The following TLK1 variants were observed in gnomAD, a reference collection of about 807,000 sequenced individuals.
TLK1 encodes the protein serine/threonine-protein kinase tousled-like 1.
TLK1 carries 24 observed loss-of-function variants against 105.3 expected under a neutral mutation model. The observed-to-expected ratio is 0.23, with a 90% CI of 0.17 to 0.32. The LOEUF is 0.32. TLK1 is among the 10% of genes least tolerant of loss of function. The pLI is 1.00. For missense variants in TLK1, 558 were observed against 910.5 expected, an observed-to-expected ratio of 0.61 and a Z score of 4.98; for synonymous variants, 321 against 310.4, an observed-to-expected ratio of 1.03 and a Z score of -0.36.
intron 1 of TLK1, among the ~76,000 whole-genome samples, chr2:171,141,794 C>T (rs1691585303): frequency 6.6e-6 from 1 of 151,518 alleles, no homozygotes; most frequent in South Asian, 2.1e-4. Context: ...AAAAGAATTC[C>T]TCAACAGATA....
At chr2:171,044,736 T>C (rs1021621883) in intron 11 of TLK1, among the ~76,000 whole-genome samples, 1 of 152,272 alleles carries the variant, frequency 6.6e-6, no homozygotes, top group East Asian at 1.9e-4. Flanking sequence ...ATGATGCCCA[T>C]AGAAAGAGAC....
At position 171,160,679 on chromosome 2, in the gene TLK1, G is replaced by T. The variant is rs1164103089; in HGVS notation, c.-251C>A. 4 of 560,366 alleles carry T rather than the reference G, an allele frequency of 7.1e-6. No individual in the cohort carries two copies. The highest frequency in any genetic ancestry group is 6.0e-5 in the African/African-American group (3 of 50,070). 34.7% of individuals were successfully genotyped at this position (560,366 alleles called of 1,614,324 possible). A position where few individuals can be genotyped will look rare whatever the true frequency, so the allele number is the denominator to read the frequency against. On this transcript the variant is annotated 5_prime_UTR_variant, in exon 1 of 21. Transcript: ENST00000431350. This position sits in a 1 kb window ranked among gnomAD's most constrained non-coding sequence, Gnocchi z 4.4. The stretch of plus-strand genomic sequence containing the variant: ...GAGGGAGCGAGCGGGCGCGCCAGAG[G>T]AGAGGAGGAGGAAAGGAGCGCGGCG...
chr2:171,227,379 C>T (rs554901585), intron 1 of TLK1, among the ~76,000 whole-genome samples: 14 of 152,220 alleles, frequency 9.2e-5, no homozygotes, highest in Non-Finnish European at 1.8e-4. Flanking sequence ...GAATGAGAGC[C>T]TGGAGTTCCT....
chr2:171,043,955 T>G (rs1156539039), intron 11 of TLK1, among the ~76,000 whole-genome samples: 3 of 152,194 alleles, frequency 2.0e-5, no homozygotes, highest in Non-Finnish European at 4.4e-5. Context: ...ACAAATTTAC[T>G]AACTTACAAA....
chr2:171,134,563 C>T (rs1691228208), intron 1 of TLK1, among the ~76,000 whole-genome samples: 1 of 151,452 alleles, frequency 6.6e-6, no homozygotes, highest in Non-Finnish European at 1.5e-5. Context: ...TCTATATATC[C>T]AAAGAAACTG....
intron 1 of TLK1, among the ~76,000 whole-genome samples, chr2:171,177,487 A>T (rs1049753727): frequency 6.6e-6 from 1 of 151,200 alleles, no homozygotes; most frequent in Non-Finnish European, 1.5e-5. Flanking sequence ...CTACCTCAAG[A>T]CAGAAAGCCC....
intron 1 of TLK1, among the ~76,000 whole-genome samples, chr2:171,188,920 G>A (rs1217636853): frequency 2.7e-5 from 4 of 150,434 alleles, no homozygotes; most frequent in East Asian, 1.9e-4. Context: ...TAGGAGAATC[G>A]TTTGATACAT....
intron 3 of TLK1, among the ~76,000 whole-genome samples, chr2:171,076,152 A>T (rs1463179935): frequency 6.6e-6 from 1 of 151,650 alleles, no homozygotes; most frequent in Non-Finnish European, 1.5e-5. Context: ...CAGGAGGGGG[A>T]AGTTGCAGTG....
chr2:171,177,441 C>T (rs768229371), intron 1 of TLK1, among the ~76,000 whole-genome samples: 5 of 152,112 alleles, frequency 3.3e-5, no homozygotes, highest in Non-Finnish European at 7.4e-5. Context: ...CCTCATTGGG[C>T]TTCTTAAAGC....
At chr2:171,178,150 G>A (rs1692866974) in intron 1 of TLK1, among the ~76,000 whole-genome samples, 1 of 152,130 alleles carries the variant, frequency 6.6e-6, no homozygotes, top group South Asian at 2.1e-4. Flanking sequence ...GTGTTTAAAT[G>A]CATTATCTAA....
At chr2:171,013,715 C>A (rs1184631451) in intron 13 of TLK1, among the ~76,000 whole-genome samples, 1 of 152,146 alleles carries the variant, frequency 6.6e-6, no homozygotes, top group African/African-American at 2.4e-5. Flanking sequence ...ATAGACATCA[C>A]AAGAAGACCT....
At chr2:171,182,537 T>A (rs1001263271) in intron 1 of TLK1, among the ~76,000 whole-genome samples, 2 of 152,056 alleles carry the variant, frequency 1.3e-5, no homozygotes, top group Non-Finnish European at 2.9e-5. Context: ...AACAAGGAAA[T>A]ACTGAAGAAC....
chr2:171,105,287 A>AC (rs1465144131), intron 2 of TLK1, among the ~76,000 whole-genome samples: 24 of 152,230 alleles, frequency 1.6e-4, no homozygotes, highest in Non-Finnish European at 2.8e-4. Flanking sequence ...AGGAACTCAA[A>AC]CAACTCAACA....
intron 1 of TLK1, among the ~76,000 whole-genome samples, chr2:171,184,659 AG>A (rs1482651306): frequency 0.021 from 3,049 of 144,142 alleles, 138 homozygotes; most frequent in African/African-American, 0.079. Flanking sequence ...AAAAAAAAAA[AG>A]AAAGAAAACT....
chr2:171,151,051 T>A (rs1227358012), intron 1 of TLK1, among the ~76,000 whole-genome samples: 1 of 151,888 alleles, frequency 6.6e-6, no homozygotes, highest in Non-Finnish European at 1.5e-5. Context: ...AGACAAGGCC[T>A]CACTCTGTTG....
At chr2:171,060,006 A>T in intron 4 of TLK1, 1 of 1,612,086 alleles carries the variant, frequency 6.2e-7, no homozygotes, top group Non-Finnish European at 8.5e-7. Flanking sequence ...ATGAGAGGAG[A>T]GGTCTGCTTT....
chr2:171,167,175 T>A (rs1218442097), intron 1 of TLK1, among the ~76,000 whole-genome samples: 1 of 152,190 alleles, frequency 6.6e-6, no homozygotes, highest in Non-Finnish European at 1.5e-5. Flanking sequence ...GGAGGTATGT[T>A]TGTCTTATTC....
At chr2:171,072,352 G>A (rs1221267251) in intron 3 of TLK1, among the ~76,000 whole-genome samples, 2 of 152,024 alleles carry the variant, frequency 1.3e-5, no homozygotes, top group Non-Finnish European at 2.9e-5. Flanking sequence ...GGTGGCTCAC[G>A]CCCATAATCT....
At chr2:171,163,051 C>T (rs998934389), upstream of TLK1, among the ~76,000 whole-genome samples, 4 of 152,186 alleles carry the variant, frequency 2.6e-5, no homozygotes, top group African/African-American at 4.8e-5. Flanking sequence ...CTTGGCCTCC[C>T]AAAGTGCTGG....
Sources: allele counts gnomAD v4.1 joint callset (sites outside exome capture counted in the v4.1 genomes callset), GRCh38; gene constraint gnomAD v4.1.1; non-coding constraint Gnocchi (gnomAD v3.1); transcripts MANE v1.5; gene names NCBI Gene and HGNC (gene_info 2026-07-23, HGNC 2026-07-21).